The following SRPK2 variants were observed in gnomAD, a reference collection of about 807,000 sequenced individuals.
SRPK2 encodes the protein SFRS protein kinase 2.
A neutral mutation model predicts 90.8 loss-of-function variants in SRPK2; 21 were observed. The ratio of observed to expected loss-of-function variants is 0.23; its 90% CI spans 0.16 to 0.33. SRPK2 has a LOEUF of 0.33. Among genes scored for constraint, SRPK2 ranks in the 10% least tolerant of loss-of-function variants. The pLI is 1.00. For missense variants in SRPK2, 620 were observed against 869.0 expected (o/e 0.71, Z 3.60); for synonymous variants, 288 against 311.1 (o/e 0.93, Z 0.78).
intron 2 of SRPK2, among the ~76,000 whole-genome samples, chr7:105,230,055 C>G (rs972353546): frequency 1.3e-5 from 2 of 152,168 alleles, no homozygotes; most frequent in African/African-American, 2.4e-5. Context: ...AGAATCAGTG[C>G]CTCTTCTATC....
chr7:105,372,668 G>A (rs1048207327), intron 2 of SRPK2, among the ~76,000 whole-genome samples: 2 of 152,050 alleles, frequency 1.3e-5, no homozygotes, highest in East Asian at 1.9e-4. Flanking sequence ...CATGCGCCTA[G>A]AATTAAAAAA....
intron 2 of SRPK2, among the ~76,000 whole-genome samples, chr7:105,386,910 G>A (rs1383471109): frequency 6.6e-6 from 1 of 152,118 alleles, no homozygotes; most frequent in Non-Finnish European, 1.5e-5. Flanking sequence ...GGGAGAAACT[G>A]GCAGATTAAT....
chr7:105,324,299 G>A (rs184545139), intron 2 of SRPK2, among the ~76,000 whole-genome samples: 7 of 151,340 alleles, frequency 4.6e-5, no homozygotes, highest in African/African-American at 1.2e-4. Context: ...GAGCCACTGC[G>A]CCGGGCCAAC....
chr7:105,274,869 T>G (rs1437837733), intron 2 of SRPK2, among the ~76,000 whole-genome samples: 1 of 150,722 alleles, frequency 6.6e-6, no homozygotes, highest in Non-Finnish European at 1.5e-5. Context: ...TCTTCCTCGG[T>G]AATACTTGTT....
intron 2 of SRPK2, chr7:105,301,812 T>C (rs777838775): frequency 2.7e-4 from 423 of 1,561,558 alleles, no homozygotes; most frequent in Non-Finnish European, 3.6e-4. Context: ...CGCTATGACC[T>C]GTACATTGTT....
chr7:105,382,130 TG>T (rs1222051948), intron 2 of SRPK2, among the ~76,000 whole-genome samples: 1 of 151,352 alleles, frequency 6.6e-6, no homozygotes, highest in Non-Finnish European at 1.5e-5. Flanking sequence ...ATTGCGCCAG[TG>T]CACTCCAGCC....
intron 3 of SRPK2, among the ~76,000 whole-genome samples, chr7:105,170,586 C>T (rs537961952): frequency 1.1e-4 from 16 of 150,826 alleles, no homozygotes; most frequent in African/African-American, 3.7e-4. Context: ...CCCAGCTACT[C>T]GGGAGGCTGA....
intron 2 of SRPK2, among the ~76,000 whole-genome samples, chr7:105,252,562 C>T (rs751773261): frequency 1.1e-4 from 16 of 152,030 alleles, no homozygotes; most frequent in Non-Finnish European, 2.1e-4. Context: ...ATAGGTTTTA[C>T]TGATATTATA....
rs1340874246 is a variant in SRPK2, at chr7:105,143,188, G to A, written c.956C>T (p.Ser319Leu). The A allele has an allele frequency of 6.2e-7, 1 of 1,614,210 alleles. No individual in the cohort carries two copies. The highest frequency in any genetic ancestry group is 8.5e-7 in the Non-Finnish European group (1 of 1,180,038). The change falls in exon 10 of 16, where the codon TCA becomes TTA. Residue 319 changes from serine (S) to leucine (L), a missense_variant. This residue lies in a region of SRPK2 where 243 missense variants were observed against 245.7 expected (regional missense o/e 0.99). Coordinates refer to ENST00000393651, the MANE Select transcript of SRPK2 (RefSeq NM_182692.3). ...ATCCTGGTCATTGGAAGGTGCAGCT[G>A]AGGTGATGTTTTCTTCTATTATTTT... ...ERKIIEENITSAAPSNDQDGE... is the reference protein window; with the variant it reads ...ERKIIEENITLAAPSNDQDGE...
intron 2 of SRPK2, among the ~76,000 whole-genome samples, chr7:105,372,954 T>C (rs1361813012): frequency 6.6e-6 from 1 of 152,038 alleles, no homozygotes; most frequent in East Asian, 1.9e-4. Context: ...CTGGGCATGG[T>C]GTCATGTGCC....
chr7:105,180,516 G>A (rs1355812015), intron 3 of SRPK2, among the ~76,000 whole-genome samples: 1 of 152,166 alleles, frequency 6.6e-6, no homozygotes, highest in African/African-American at 2.4e-5. Flanking sequence ...AACACTTTGG[G>A]GGACCAAGGC....
At chr7:105,169,619 T>C (rs1269960103) in intron 3 of SRPK2, among the ~76,000 whole-genome samples, 6 of 152,016 alleles carry the variant, frequency 3.9e-5, no homozygotes, top group Admixed American at 3.9e-4. Context: ...CCCAGCTACT[T>C]AGGAGGCTGA....
chr7:105,148,658 C>T (rs1358165426), intron 7 of SRPK2, among the ~76,000 whole-genome samples: 1 of 152,130 alleles, frequency 6.6e-6, no homozygotes, highest in East Asian at 1.9e-4. Context: ...AAAGAGAGAT[C>T]CGACTGTTAC....
At chr7:105,343,421 G>A (rs148494793) in intron 2 of SRPK2, among the ~76,000 whole-genome samples, 3,644 of 152,118 alleles carry the variant, frequency 0.024, 65 homozygotes, top group Non-Finnish European at 0.032. Flanking sequence ...GCAATAGAGC[G>A]AGACCCTGAC....
At chr7:105,231,233 G>A (rs1268301866) in intron 2 of SRPK2, among the ~76,000 whole-genome samples, 2 of 152,080 alleles carry the variant, frequency 1.3e-5, no homozygotes, top group African/African-American at 4.8e-5. Flanking sequence ...TAGCCTCCAG[G>A]TCTATCCATG....
chr7:105,235,526 T>C (rs1417996194), intron 2 of SRPK2, among the ~76,000 whole-genome samples: 3 of 152,154 alleles, frequency 2.0e-5, no homozygotes, highest in Non-Finnish European at 2.9e-5. Context: ...CCAAAGGAAG[T>C]GTTCCCCAAG....
intron 2 of SRPK2, among the ~76,000 whole-genome samples, chr7:105,297,992 A>G (rs1416378208): frequency 1.3e-5 from 2 of 152,282 alleles, no homozygotes; most frequent in Admixed American, 1.3e-4. Flanking sequence ...TGCCCACCTC[A>G]GCCTCCCAAA....
At chr7:105,386,313 CA>C (rs200837847) in intron 2 of SRPK2, among the ~76,000 whole-genome samples, 61 of 15,430 alleles carry the variant, frequency 4.0e-3, no homozygotes, top group African/African-American at 9.3e-3. Flanking sequence ...GACTCGGTCT[CA>C]AAAAAAAAAA....
Position 105,239,189 on chromosome 7 carries a change from T to C in SRPK2, c.72-35404A>G, listed in dbSNP as rs551597297. ...ATTCATCAGAAGAGGCAATGAATTA[T>C]AAATTCTTCCTATATAGCACAATTT... On this transcript the variant is annotated intron_variant, in intron 2 of 15. Transcript: ENST00000393651. Among the ~76,000 whole-genome samples the C allele has an allele frequency of 9.8e-5, 15 of 152,336 alleles. 1 individual carries two copies. Among genetic ancestry groups the C allele is most frequent in the African/African-American group, 3.6e-4 (15 of 41,584 alleles).
Sources: gnomAD v4.1 joint callset for allele counts (sites outside exome capture counted in the v4.1 genomes callset) on GRCh38, gnomAD v4.1.1 for gene constraint, gnomAD v4.1.1 regional missense constraint, MANE v1.5 for transcripts, NCBI Gene and HGNC (gene_info 2026-07-23, HGNC 2026-07-21) for gene names.